COP1: variants seen among roughly 807,000 people sequenced by gnomAD.
COP1 encodes E3 ubiquitin-protein ligase COP1.
COP1 carries 24 observed loss-of-function variants against 101.3 expected under a neutral mutation model. That is an observed-to-expected ratio of 0.24 (90% CI 0.17 to 0.33). The LOEUF is 0.33. Among genes scored for constraint, COP1 ranks in the 10% least tolerant of loss-of-function variants. The pLI is 1.00. For missense variants in COP1, 663 were observed against 906.2 expected, an observed-to-expected ratio of 0.73 and a Z score of 3.45; for synonymous variants, 347 against 341.9, an observed-to-expected ratio of 1.01 and a Z score of -0.17.
intron 15 of COP1, among the ~76,000 whole-genome samples, chr1:176,020,324 A>C (rs992283589): frequency 2.6e-5 from 4 of 151,704 alleles, no homozygotes; most frequent in Non-Finnish European, 4.4e-5. Context: ...AAAAAAAAAA[A>C]AAAAAAACCT....
chr1:176,116,758 A>G, intron 8 of COP1, 77 bp from the exon 9 acceptor site: 1 of 1,011,874 alleles, frequency 9.9e-7, no homozygotes, highest in Non-Finnish European at 1.5e-6. Context: ...TCTAAAGTAT[A>G]TCATATATAA....
chr1:176,103,933 A>G (rs950289308), intron 9 of COP1, among the ~76,000 whole-genome samples: 3 of 152,170 alleles, frequency 2.0e-5, no homozygotes, highest in African/African-American at 4.8e-5. Context: ...AACTGATACT[A>G]AAGTTCCTAT....
At chr1:175,963,511 T>C (rs1214553028) in intron 18 of COP1, among the ~76,000 whole-genome samples, 2 of 152,192 alleles carry the variant, frequency 1.3e-5, no homozygotes, top group East Asian at 1.9e-4. Flanking sequence ...TGTGTAATCT[T>C]GGGCAAATCT....
intron 8 of COP1, among the ~76,000 whole-genome samples, chr1:176,130,084 C>T (rs1020098415): frequency 9.9e-5 from 15 of 151,596 alleles, no homozygotes; most frequent in Middle Eastern, 6.8e-3. Context: ...CCCAGTTTAC[C>T]GCTCTCAAAA....
At chr1:176,145,098 T>G (rs1275016952) in intron 6 of COP1, among the ~76,000 whole-genome samples, 1 of 152,092 alleles carries the variant, frequency 6.6e-6, no homozygotes, top group Non-Finnish European at 1.5e-5. Context: ...GGAAAGATAT[T>G]TGTGATAGAT....
At chr1:176,128,442 T>TA (rs1420230109) in intron 8 of COP1, among the ~76,000 whole-genome samples, 1 of 152,036 alleles carries the variant, frequency 6.6e-6, no homozygotes, top group Admixed American at 6.6e-5. Context: ...TCAATTATTT[T>TA]ACTGACTTTG....
intron 15 of COP1, among the ~76,000 whole-genome samples, chr1:176,000,570 T>C (rs1232653736): frequency 6.6e-6 from 1 of 152,068 alleles, no homozygotes; most frequent in African/African-American, 2.4e-5. Flanking sequence ...ACCACTGTCA[T>C]ATATGTGGTC....
chr1:176,163,201 A>G (rs1031671225), intron 4 of COP1, among the ~76,000 whole-genome samples: 9 of 152,202 alleles, frequency 5.9e-5, no homozygotes, highest in South Asian at 2.1e-4. Flanking sequence ...ATGAATTTAG[A>G]TAACAAATAT....
intron 15 of COP1, among the ~76,000 whole-genome samples, chr1:176,005,736 T>A (rs1043445221): frequency 1.2e-5 from 1 of 81,308 alleles, no homozygotes; most frequent in African/African-American, 3.1e-5. Flanking sequence ...ATAATCTCTG[T>A]TCTTTTACAT....
chr1:175,962,243 G>A (rs1239669208), intron 18 of COP1, among the ~76,000 whole-genome samples: 1 of 152,032 alleles, frequency 6.6e-6, no homozygotes, highest in Non-Finnish European at 1.5e-5. Context: ...CCTGAAAACA[G>A]ACAATAAATT....
At chr1:175,966,990 C>A (rs536216287) in intron 18 of COP1, among the ~76,000 whole-genome samples, 1 of 152,174 alleles carries the variant, frequency 6.6e-6, no homozygotes, top group Non-Finnish European at 1.5e-5. Flanking sequence ...CAAAGGAACA[C>A]TTTCAAAATC....
At chr1:176,100,261 C>T (rs932107996) in intron 9 of COP1, 41 of 239,210 alleles carry the variant, frequency 1.7e-4, no homozygotes, top group African/African-American at 4.9e-4. Flanking sequence ...TGGAGGCAGG[C>T]GCCGGTAATC....
chr1:175,970,745 TTAAA>T (rs1653082770), intron 18 of COP1, among the ~76,000 whole-genome samples: 1 of 152,162 alleles, frequency 6.6e-6, no homozygotes, highest in Non-Finnish European at 1.5e-5. Flanking sequence ...GTGAAATAGA[TTAAA>T]TAACTAACAA....
At chr1:176,042,460 G>A (rs1047555196) in intron 14 of COP1, among the ~76,000 whole-genome samples, 8 of 149,616 alleles carry the variant, frequency 5.3e-5, no homozygotes, top group African/African-American at 2.0e-4. Context: ...CCACTCGGGA[G>A]GGTGAGGCAG....
At position 176,149,065 on chromosome 1, in the gene COP1, C is replaced by CA. The variant is rs1483905084; in HGVS notation, c.771dup (p.Ala258CysfsTer18). 1 of 1,575,714 alleles carries CA rather than the reference C, an allele frequency of 6.3e-7. No individual in the cohort carries two copies. On this transcript the variant is annotated frameshift_variant, in exon 6 of 20. Transcript: ENST00000367669. LOFTEE classifies it high-confidence loss of function. ...TCCATAAGAATCTGTAGTTGGGCTGCATGTGATTCCTACAATAGAAAATTA... is the reference window on the plus strand; with the variant it reads ...TCCATAAGAATCTGTAGTTGGGCTGCAATGTGATTCCTACAATAGAAAATTA...
intron 14 of COP1, among the ~76,000 whole-genome samples, chr1:176,031,965 GTTCCAGTGTGCAAGGT>G (rs1668717228): frequency 6.6e-6 from 1 of 152,174 alleles, no homozygotes; most frequent in Non-Finnish European, 1.5e-5. Context: ...ATCAGATTCA[GTTCCAGTGTGCAAGGT>G]TTATGTTTCT....
chr1:176,135,069 G>A lies in COP1; in HGVS notation c.909C>T (p.Tyr303=). The A allele has an allele frequency of 1.2e-6, 2 of 1,605,024 alleles. No individual in the cohort carries two copies. The highest frequency in any genetic ancestry group is 1.7e-6 in the Non-Finnish European group (2 of 1,172,948). The change falls in exon 8 of 20, where the codon TAC becomes TAT. Residue 303 remains tyrosine, a synonymous_variant. Coordinates refer to ENST00000367669, the MANE Select transcript of COP1 (RefSeq NM_022457.7). The part of the protein sequence containing the change: ...IKRVEEMSGL[Y]SPVSEDSTVP... ...CTGTGCTATCCTCACTGACAGGAGAGTATAAGCCACTCATTTCCTGAAAAT... is the reference window on the plus strand; with the variant it reads ...CTGTGCTATCCTCACTGACAGGAGAATATAAGCCACTCATTTCCTGAAAAT...
intron 14 of COP1, among the ~76,000 whole-genome samples, chr1:176,036,261 G>T (rs894992228): frequency 6.6e-6 from 1 of 151,754 alleles, no homozygotes; most frequent in African/African-American, 2.4e-5. Context: ...CTAGAAAGGG[G>T]AGGAAATTAA....
At chr1:176,149,474 AG>A (rs1558207143) in intron 5 of COP1, among the ~76,000 whole-genome samples, 3 of 152,170 alleles carry the variant, frequency 2.0e-5, no homozygotes, top group Admixed American at 2.0e-4. Context: ...TCATTTGCAG[AG>A]GTAAGTGTAA....
Sources: gnomAD v4.1 joint callset for allele counts (sites outside exome capture counted in the v4.1 genomes callset) on GRCh38, gnomAD v4.1.1 for gene constraint, MANE v1.5 for transcripts, NCBI Gene and HGNC (gene_info 2026-07-23, HGNC 2026-07-21) for gene names.